Variants in CACNA2D3 observed in about 807,000 individuals in gnomAD.
CACNA2D3 encodes the protein calcium voltage-gated channel auxiliary subunit alpha2delta 3, also known as voltage-dependent calcium channel subunit alpha-2/delta-3.
In CACNA2D3, 60 loss-of-function variants were observed where a neutral mutation model predicts 160.6. The ratio of observed to expected loss-of-function variants is 0.37; its 90% CI spans 0.30 to 0.46. The LOEUF is 0.46. CACNA2D3 is among the 20% of genes least tolerant of loss of function. The probability of loss-of-function intolerance (pLI) is 1.00; values close to 1 mark genes in which losing one functional copy is unlikely to be tolerated. For synonymous variants in CACNA2D3, 558 were observed against 492.9 expected (o/e 1.13, Z -1.75); for missense variants, 1,205 against 1,365.0 (o/e 0.88, Z 1.85).
At chr3:54,529,365 G>T (rs1425853960) in intron 5 of CACNA2D3, among the ~76,000 whole-genome samples, 1 of 152,210 alleles carries the variant, frequency 6.6e-6, no homozygotes, top group African/African-American at 2.4e-5. Flanking sequence ...CCCACAGCCT[G>T]TATGCCTCGG....
At chr3:55,001,985 C>T (rs1702987940) in intron 31 of CACNA2D3, among the ~76,000 whole-genome samples, 1 of 152,002 alleles carries the variant, frequency 6.6e-6, no homozygotes, top group Non-Finnish European at 1.5e-5. Flanking sequence ...AGTGAAACCC[C>T]ATCTCTACTA....
At chr3:54,541,305 AAG>A (rs1316691248) in intron 5 of CACNA2D3, among the ~76,000 whole-genome samples, 14 of 147,084 alleles carry the variant, frequency 9.5e-5, no homozygotes, top group Admixed American at 4.1e-4. Flanking sequence ...AAAAAAAGAA[AAG>A]AAAAGAAAAG....
At chr3:54,558,825 T>G (rs1290699473) in intron 5 of CACNA2D3, among the ~76,000 whole-genome samples, 1 of 152,190 alleles carries the variant, frequency 6.6e-6, no homozygotes, top group Non-Finnish European at 1.5e-5. Flanking sequence ...ATTTTACAAA[T>G]AAGGAAACCT....
chr3:54,797,551 G>T (rs749451651), intron 13 of CACNA2D3, among the ~76,000 whole-genome samples: 7 of 152,168 alleles, frequency 4.6e-5, no homozygotes, highest in Non-Finnish European at 7.3e-5. Flanking sequence ...GTATCATACG[G>T]TTTTTTTGGT....
chr3:54,771,125 G>A (rs372993537), intron 13 of CACNA2D3, among the ~76,000 whole-genome samples: 34 of 151,982 alleles, frequency 2.2e-4, no homozygotes, highest in East Asian at 9.7e-4. Context: ...TAGTGGCCTC[G>A]GGCAGCTGTG....
intron 4 of CACNA2D3, among the ~76,000 whole-genome samples, chr3:54,449,859 C>T (rs1559483982): frequency 6.6e-6 from 1 of 152,056 alleles, no homozygotes; most frequent in African/African-American, 2.4e-5. Context: ...TATAACTTAC[C>T]CAGTGTCAGG....
chr3:54,341,821 G>T (rs575987694), intron 3 of CACNA2D3, among the ~76,000 whole-genome samples: 9 of 151,398 alleles, frequency 5.9e-5, no homozygotes, highest in Non-Finnish European at 1.0e-4. Context: ...CTAGAGTGCG[G>T]TTTTTTTTTG....
Position 54,689,977 on chromosome 3 carries a change from C to G in CACNA2D3, c.1167+47736C>G, listed in dbSNP as rs533049223. 3.3e-5 allele frequency among the ~76,000 whole-genome samples: 5 copies of G among 152,196 alleles called. No homozygotes were observed. The South Asian group carries it at 1.0e-3, about 32-fold the overall frequency. ...TCTCTTTCCTTTCATTCATGTGTCT[C>G]CAGCCTGGACAACCTCCTTACAACT... On this transcript the variant is annotated intron_variant, in intron 11 of 37. Coordinates refer to ENST00000474759, the MANE Select transcript of CACNA2D3 (RefSeq NM_018398.3).
intron 3 of CACNA2D3, among the ~76,000 whole-genome samples, chr3:54,340,062 A>G (rs1249681273): frequency 6.6e-6 from 1 of 152,248 alleles, no homozygotes; most frequent in Non-Finnish European, 1.5e-5. Context: ...GAAACGTGAC[A>G]GTACTCAAAG....
At chr3:54,140,931 A>C (rs754748478) in intron 2 of CACNA2D3, among the ~76,000 whole-genome samples, 1 of 152,182 alleles carries the variant, frequency 6.6e-6, no homozygotes, top group African/African-American at 2.4e-5. Context: ...AGTCAGTGAG[A>C]TCAAAAGAGA....
chr3:54,889,462 T>G (rs1396797602), intron 24 of CACNA2D3, among the ~76,000 whole-genome samples: 1 of 152,144 alleles, frequency 6.6e-6, no homozygotes, highest in Non-Finnish European at 1.5e-5. Context: ...TCTCCAGGAC[T>G]TGATGATGGG....
chr3:54,641,168 T>C (rs1350482967), intron 10 of CACNA2D3, among the ~76,000 whole-genome samples: 1 of 152,226 alleles, frequency 6.6e-6, no homozygotes, highest in Non-Finnish European at 1.5e-5. Flanking sequence ...GTTGTGGTCA[T>C]GTTACAGCTT....
intron 4 of CACNA2D3, among the ~76,000 whole-genome samples, chr3:54,466,739 C>A (rs1393372405): frequency 2.0e-5 from 3 of 152,160 alleles, no homozygotes; most frequent in Admixed American, 2.0e-4. Flanking sequence ...GATTTCTAGG[C>A]TGCGTTGAGT....
chr3:54,274,334 C>G (rs559085571), intron 2 of CACNA2D3, among the ~76,000 whole-genome samples: 16 of 151,944 alleles, frequency 1.1e-4, no homozygotes, highest in African/African-American at 3.9e-4. Flanking sequence ...TTCTTTCTTT[C>G]TTTTTCTTTT....
intron 2 of CACNA2D3, among the ~76,000 whole-genome samples, chr3:54,252,943 C>CT (rs2107427066): frequency 6.6e-6 from 1 of 152,298 alleles, no homozygotes; most frequent in South Asian, 2.1e-4. Flanking sequence ...CATTTCCTGG[C>CT]TTTAGCAACC....
At chr3:54,662,075 C>A (rs1188691365) in intron 11 of CACNA2D3, among the ~76,000 whole-genome samples, 1 of 152,008 alleles carries the variant, frequency 6.6e-6, no homozygotes, top group Non-Finnish European at 1.5e-5. Flanking sequence ...TACATAAGGG[C>A]AGATATCATG....
At chr3:54,216,871 G>A (rs1701472014) in intron 2 of CACNA2D3, among the ~76,000 whole-genome samples, 1 of 152,190 alleles carries the variant, frequency 6.6e-6, no homozygotes, top group South Asian at 2.1e-4. Context: ...TGAGGATGCT[G>A]TGGGGCCAAG....
chr3:54,273,925 C>T (rs1044340255), intron 2 of CACNA2D3, among the ~76,000 whole-genome samples: 6 of 152,160 alleles, frequency 3.9e-5, no homozygotes, highest in Admixed American at 2.6e-4. Flanking sequence ...ACCCAGTAAT[C>T]CCTGGGCCAG....
intron 11 of CACNA2D3, among the ~76,000 whole-genome samples, chr3:54,682,605 T>C (rs983113355): frequency 2.0e-5 from 3 of 152,064 alleles, no homozygotes; most frequent in Non-Finnish European, 2.9e-5. Context: ...AGTAAAACTC[T>C]GACTCAAAAA....
Sources: allele counts gnomAD v4.1 joint callset (sites outside exome capture counted in the v4.1 genomes callset), GRCh38; gene constraint gnomAD v4.1.1; transcripts MANE v1.5; gene names NCBI Gene and HGNC (gene_info 2026-07-23, HGNC 2026-07-21).